Variants in DYRK4 observed in about 807,000 individuals in gnomAD.
DYRK4 encodes the protein dual specificity tyrosine phosphorylation regulated kinase 4, also known as dual specificity tyrosine-phosphorylation-regulated kinase 4.
DYRK4 carries 64 observed loss-of-function variants against 68.3 expected under a neutral mutation model. That is an observed-to-expected ratio of 0.94 (90% CI 0.77 to 1.15). DYRK4 has a LOEUF of 1.15. DYRK4 is among the 50% of genes most tolerant of loss of function. DYRK4 has a pLI of 0.00. For synonymous variants in DYRK4, 274 were observed against 289.9 expected (o/e 0.95, Z 0.56); for missense variants, 740 against 764.7 (o/e 0.97, Z 0.38).
intron 11 of DYRK4, among the ~76,000 whole-genome samples, chr12:4,605,729 GTTTTTTTTTTTTTTT>G (rs58963826): frequency 7.8e-5 from 8 of 102,118 alleles, no homozygotes; most frequent in Non-Finnish European, 7.5e-5. Flanking sequence ...ATAGAGCTGG[GTTTTTTTTTTTTTTT>G]TTTTTTTTTT....
At chr12:4,571,364 G>A (rs1271616781) in intron 2 of DYRK4, among the ~76,000 whole-genome samples, 2 of 152,110 alleles carry the variant, frequency 1.3e-5, no homozygotes, top group Non-Finnish European at 2.9e-5. Context: ...CCTTAGAGAG[G>A]CGTTCCTTCC....
chr12:4,597,460 G>A (rs1184552252), intron 8 of DYRK4, among the ~76,000 whole-genome samples: 1 of 152,264 alleles, frequency 6.6e-6, no homozygotes, highest in East Asian at 1.9e-4. Flanking sequence ...TAGCAGGTAA[G>A]GTGACACTCT....
At chr12:4,605,569 A>G (rs1945135509) in intron 11 of DYRK4, among the ~76,000 whole-genome samples, 1 of 152,116 alleles carries the variant, frequency 6.6e-6, no homozygotes, top group African/African-American at 2.4e-5. Flanking sequence ...CAATCATTAT[A>G]GCTTTAAAAA....
At position 4,604,599 on chromosome 12, in the gene DYRK4, A is replaced by G. The variant is rs1054812360; in HGVS notation, c.1127-315A>G. Among the ~76,000 whole-genome samples, 4 of 152,244 alleles carry G rather than the reference A, an allele frequency of 2.6e-5. No homozygotes were observed. In the South Asian group the frequency reaches 8.3e-4, roughly 32 times the overall value. The stretch of plus-strand genomic sequence containing the variant: ...TACCCCAAATCAATCTGACAGTTTG[A>G]AAACTTAGTCTTATATTTGTCTTAT... On this transcript the variant is annotated intron_variant, in intron 10 of 14. Coordinates refer to ENST00000543431, the MANE Select transcript of DYRK4 (RefSeq NM_001394779.1).
chr12:4,587,896 C>A (rs771650192), intron 2 of DYRK4, among the ~76,000 whole-genome samples: 6 of 152,194 alleles, frequency 3.9e-5, no homozygotes, highest in Non-Finnish European at 8.8e-5. Flanking sequence ...TCCTTCAACT[C>A]CATAGGGGAG....
At position 4,592,821 on chromosome 12, in the gene DYRK4, C is replaced by A. The variant is rs188140860; in HGVS notation, c.464-181C>A. On this transcript the variant is annotated intron_variant, in intron 5 of 14. Coordinates refer to ENST00000543431, the MANE Select transcript of DYRK4 (RefSeq NM_001394779.1). ...CGATTTGTTGAAATAAATACAAGAC[C>A]TTGACATTTATTCTTGTCATACTTC... 2.8e-3 allele frequency: 1,740 copies of A among 624,776 alleles called. 12 individuals are homozygous for A. Among genetic ancestry groups the A allele is most frequent in the Middle Eastern group, 0.02 (45 of 2,276 alleles). The allele number at this position is 624,776 out of a possible 1,614,324, so 38.7% of individuals were successfully genotyped here.
Position 4,598,766 on chromosome 12 carries a change from C to T in DYRK4, c.906-262C>T, listed in dbSNP as rs1203743626. Among the ~76,000 whole-genome samples, 48 of 152,174 alleles carry T rather than the reference C, an allele frequency of 3.2e-4. 1 individual carries two copies. The highest frequency in any genetic ancestry group is 3.1e-3 in the Admixed American group (47 of 15,274). On this transcript the variant is annotated intron_variant, in intron 8 of 14. Transcript: ENST00000543431. The stretch of plus-strand genomic sequence containing the variant: ...TCAGAAGTTTGGGCCAACCTCTTAA[C>T]CCGCCTGCATAACAAAGTGCTTCAG...
At chr12:4,572,400 G>A (rs1944739626) in intron 2 of DYRK4, among the ~76,000 whole-genome samples, 2 of 152,170 alleles carry the variant, frequency 1.3e-5, no homozygotes, top group African/African-American at 4.8e-5. Context: ...TCCTGCCTCA[G>A]CCTCCGGAGT....
chr12:4,612,639 C>A lies in DYRK4; in HGVS notation c.1587C>A (p.Thr529=), dbSNP rs777719676. 2 of 1,614,152 alleles carry A rather than the reference C, an allele frequency of 1.2e-6. No individual in the cohort carries two copies. Among genetic ancestry groups the A allele is most frequent in the Admixed American group, 3.3e-5 (2 of 60,026 alleles). The change falls in exon 14 of 15, where the codon ACC becomes ACA. Residue 529 remains threonine, a synonymous_variant. Coordinates refer to ENST00000543431, the MANE Select transcript of DYRK4 (RefSeq NM_001394779.1). ...TCAAGCCACAGCCCAGGCCCCAGAC[C>A]CTGAGGAAATCCAATTCCTTTTTCC... The part of the protein sequence containing the change: ...RNLKPQPRPQ[T]LRKSNSFFPS...
chr12:4,593,045 A>T lies in DYRK4; in HGVS notation c.507A>T (p.Gln169His), dbSNP rs55825154. ...LFKNQLSPYE[Q>H]SEILGYAELW... ...AGAACCAGCTGTCTCCATATGAACA[A>T]AGTGAAATCCTGGGCTACGCGGAGC... Residue 169 changes from glutamine (Q) to histidine (H), a missense_variant, in exon 6 of 15, where the codon CAA (glutamine) becomes CAT (histidine). Around this residue, in one of 3 missense-constraint regions of DYRK4, gnomAD observed 614 missense variants for 603.7 expected, o/e 1.02. Coordinates refer to ENST00000543431, the MANE Select transcript of DYRK4 (RefSeq NM_001394779.1). 31,741 of 1,614,192 alleles carry T rather than the reference A, an allele frequency of 0.02. 389 individuals carry two copies. Among genetic ancestry groups the T allele is most frequent in the Non-Finnish European group, 0.023 (27,716 of 1,180,036 alleles).
intron 3 of DYRK4, 59 bp from the exon 4 acceptor site, chr12:4,590,271 C>A: frequency 6.7e-7 from 1 of 1,489,306 alleles, no homozygotes; most frequent in Non-Finnish European, 8.9e-7. Flanking sequence ...AAGAAATGAC[C>A]CCTGGAGACG....
intron 5 of DYRK4, 42 bp from the exon 6 acceptor site, chr12:4,592,960 G>A: frequency 6.3e-7 from 1 of 1,592,004 alleles, no homozygotes; most frequent in Non-Finnish European, 8.6e-7. Context: ...CAAATCCCAT[G>A]CTGCCTCAAC....
chr12:4,564,430 A>G (rs1447625118), intron 1 of DYRK4: 1 of 152,152 alleles, frequency 6.6e-6, no homozygotes, highest in Admixed American at 6.5e-5. Context: ...TTTCTGCCCC[A>G]AAGACAGCCC....
chr12:4,563,284 G>A (rs1944646956), intron 1 of DYRK4: 1 of 388,284 alleles, frequency 2.6e-6, no homozygotes, highest in Non-Finnish European at 5.2e-6. Flanking sequence ...TCCTTATGGA[G>A]AAAGCAGAGG....
chr12:4,602,713 T>A lies in DYRK4; in HGVS notation c.1127-2201T>A, dbSNP rs1034730306. The A allele has an allele frequency of 2.0e-6, 3 of 1,485,576 alleles. No homozygotes were observed. The African/African-American group carries it at 4.2e-5, about 21-fold the overall frequency. The allele number at this position is 1,485,576 out of a possible 1,614,324, so 92.0% of individuals were successfully genotyped here. A position where few individuals can be genotyped will look rare whatever the true frequency, so the allele number is the denominator to read the frequency against. Reference sequence around the variant, plus strand: ...ATTATTAATGGGAGGCAAATACCCCTGACTCTTCAATGTCTTGTAAATTCA... The same window carrying A: ...ATTATTAATGGGAGGCAAATACCCCAGACTCTTCAATGTCTTGTAAATTCA... On this transcript the variant is annotated intron_variant, in intron 10 of 14. Coordinates refer to ENST00000543431, the MANE Select transcript of DYRK4 (RefSeq NM_001394779.1).
intron 11 of DYRK4, among the ~76,000 whole-genome samples, chr12:4,606,771 A>G (rs1591807779): frequency 6.6e-6 from 1 of 152,208 alleles, no homozygotes; most frequent in African/African-American, 2.4e-5. Flanking sequence ...GAGCAGGATA[A>G]TGGATGGATT....
At chr12:4,570,672 T>C (rs1336800610) in intron 2 of DYRK4, among the ~76,000 whole-genome samples, 1 of 152,240 alleles carries the variant, frequency 6.6e-6, no homozygotes, top group African/African-American at 2.4e-5. Flanking sequence ...CTTATTTAAA[T>C]AAATTAATAA....
chr12:4,599,190 A>G, intron 9 of DYRK4, 24 bp downstream of exon 9: 1 of 1,611,074 alleles, frequency 6.2e-7, no homozygotes, highest in Non-Finnish European at 8.5e-7. Context: ...CCGTCCTGCC[A>G]TGGACACACT....
chr12:4,590,295 G>C, intron 3 of DYRK4, 35 bp from the exon 4 acceptor site: 1 of 1,519,054 alleles, frequency 6.6e-7, no homozygotes, highest in Non-Finnish European at 8.8e-7. Flanking sequence ...TCTTGCCTAA[G>C]GCTTTTGTAA....
Sources: gnomAD v4.1 joint callset for allele counts (sites outside exome capture counted in the v4.1 genomes callset) on GRCh38, gnomAD v4.1.1 for gene constraint, gnomAD v4.1.1 regional missense constraint, MANE v1.5 for transcripts, NCBI Gene and HGNC (gene_info 2026-07-23, HGNC 2026-07-21) for gene names.